The following BTAF1 variants were observed in gnomAD, a reference collection of about 807,000 sequenced individuals.
BTAF1 encodes the protein TATA-binding protein-associated factor 172.
In BTAF1, 38 loss-of-function variants were observed where a neutral mutation model predicts 227.1. That is an observed-to-expected ratio of 0.17 (90% CI 0.13 to 0.22). BTAF1 has a LOEUF of 0.22. Among genes scored for constraint, BTAF1 ranks in the 10% least tolerant of loss-of-function variants. The pLI is 1.00. For synonymous variants in BTAF1, 742 were observed against 751.9 expected (o/e 0.99, Z 0.21); for missense variants, 1,598 against 2,204.0 (o/e 0.73, Z 5.51).
intron 1 of BTAF1, among the ~76,000 whole-genome samples, chr10:91,927,253 C>T (rs1404475794): frequency 1.3e-5 from 2 of 152,104 alleles, no homozygotes; most frequent in South Asian, 2.1e-4. Flanking sequence ...ATTCTCCTGC[C>T]TCAGCCTCCC....
chr10:91,953,072 A>G (rs1845872722), intron 5 of BTAF1, among the ~76,000 whole-genome samples: 1 of 152,196 alleles, frequency 6.6e-6, no homozygotes, highest in Non-Finnish European at 1.5e-5. Flanking sequence ...TTGCTTATAT[A>G]TGTGCCCATG....
chr10:91,952,962 C>G (rs1423999982), intron 5 of BTAF1, among the ~76,000 whole-genome samples: 1 of 152,070 alleles, frequency 6.6e-6, no homozygotes, highest in Non-Finnish European at 1.5e-5. Flanking sequence ...GCGGGATAGG[C>G]AACACTAATT....
chr10:91,986,910 A>G (rs1488192778), intron 19 of BTAF1, among the ~76,000 whole-genome samples: 2 of 151,448 alleles, frequency 1.3e-5, no homozygotes, highest in Non-Finnish European at 2.9e-5. Context: ...TGCCTTTTGT[A>G]TCTTCATTGA....
At chr10:91,974,598 C>T (rs2676821) in intron 14 of BTAF1, among the ~76,000 whole-genome samples, 90,172 of 152,058 alleles carry the variant, frequency 0.59, 30,464 homozygotes, top group East Asian at 0.77. Flanking sequence ...ACTCCTGTAA[C>T]CCCAGGACTT....
intron 14 of BTAF1, among the ~76,000 whole-genome samples, chr10:91,974,500 T>C (rs889546118): frequency 1.3e-5 from 2 of 152,182 alleles, no homozygotes; most frequent in African/African-American, 4.8e-5. Context: ...TCTGTGATGT[T>C]AACATGTGAA....
chr10:91,952,728 G>A (rs572366897), intron 5 of BTAF1, among the ~76,000 whole-genome samples: 1 of 152,104 alleles, frequency 6.6e-6, no homozygotes, highest in South Asian at 2.1e-4. Flanking sequence ...GATACTAGGA[G>A]AGAAAAAAGA....
chr10:92,017,542 G>T (rs1055383174), intron 33 of BTAF1, among the ~76,000 whole-genome samples: 1 of 151,992 alleles, frequency 6.6e-6, no homozygotes, highest in Non-Finnish European at 1.5e-5. Flanking sequence ...AAGAGAAGGG[G>T]TCATGTTTTG....
intron 14 of BTAF1, among the ~76,000 whole-genome samples, chr10:91,971,748 A>G (rs1350041054): frequency 1.3e-5 from 2 of 152,150 alleles, no homozygotes; most frequent in African/African-American, 4.8e-5. Flanking sequence ...CTGGGATTAC[A>G]GGCATGAGCC....
intron 23 of BTAF1, among the ~76,000 whole-genome samples, chr10:91,995,637 C>T (rs571724144): frequency 1.0e-3 from 153 of 151,074 alleles, no homozygotes; most frequent in African/African-American, 3.2e-3. Flanking sequence ...GATCGCGCCA[C>T]TGCACTCTAG....
chr10:92,002,284 A>G (rs1849601257), intron 25 of BTAF1, among the ~76,000 whole-genome samples: 1 of 152,116 alleles, frequency 6.6e-6, no homozygotes, highest in Non-Finnish European at 1.5e-5. Flanking sequence ...CATAGAAAAA[A>G]TCATCTACTT....
intron 34 of BTAF1, among the ~76,000 whole-genome samples, chr10:92,022,509 T>C (rs1195062590): frequency 6.6e-6 from 1 of 152,082 alleles, no homozygotes; most frequent in Admixed American, 6.6e-5. Flanking sequence ...CCTCAAACTC[T>C]TGGGCTCAAG....
intron 14 of BTAF1, among the ~76,000 whole-genome samples, chr10:91,967,473 T>G (rs1847000023): frequency 1.3e-5 from 2 of 152,206 alleles, no homozygotes; most frequent in Admixed American, 1.3e-4. Flanking sequence ...GGCCAATCAT[T>G]TTTTAAAAAT....
At chr10:91,950,078 G>T (rs1267967415) in intron 4 of BTAF1, among the ~76,000 whole-genome samples, 1 of 149,500 alleles carries the variant, frequency 6.7e-6, no homozygotes, top group African/African-American at 2.4e-5. Flanking sequence ...GGAGTTTGAG[G>T]CTGCAGTGAG....
At position 92,008,687 on chromosome 10, in the gene BTAF1, G is replaced by A. The variant is rs974695062; in HGVS notation, c.3814-142G>A. 5 of 740,556 alleles carry A rather than the reference G, an allele frequency of 6.8e-6. No individual in the cohort carries two copies. In the Admixed American group the frequency reaches 1.1e-4, roughly 16 times the overall value. 45.9% of individuals were successfully genotyped at this position (740,556 alleles called of 1,614,324 possible). A position where few individuals can be genotyped will look rare whatever the true frequency, so the allele number is the denominator to read the frequency against. ...TAAAATCGATTTAGTAAAATCTTGTGTTTAGTGTCTTATACCCATTTATTT... is the reference window on the plus strand; with the variant it reads ...TAAAATCGATTTAGTAAAATCTTGTATTTAGTGTCTTATACCCATTTATTT... On this transcript the variant is annotated intron_variant, in intron 26 of 37. Coordinates refer to ENST00000265990, the MANE Select transcript of BTAF1 (RefSeq NM_003972.3).
intron 1 of BTAF1, among the ~76,000 whole-genome samples, chr10:91,933,260 T>C (rs1168115476): frequency 2.6e-5 from 4 of 152,184 alleles, no homozygotes; most frequent in Non-Finnish European, 1.5e-5. Context: ...TTGAAAGTTT[T>C]AAAGTAAGGT....
chr10:91,938,795 C>CTA (rs2133806388), intron 2 of BTAF1, among the ~76,000 whole-genome samples: 2 of 152,204 alleles, frequency 1.3e-5, no homozygotes, highest in African/African-American at 4.8e-5. Flanking sequence ...CTGCAGTGTG[C>CTA]TATGATTGCA....
At chr10:91,997,264 C>G (rs2134052652) in intron 24 of BTAF1, 1 of 737,862 alleles carries the variant, frequency 1.4e-6, no homozygotes, top group Admixed American at 2.8e-5. Context: ...CCTTTACTTA[C>G]AATGTGACTT....
chr10:91,985,325 T>C (rs1848333003), intron 19 of BTAF1, among the ~76,000 whole-genome samples: 1 of 152,128 alleles, frequency 6.6e-6, no homozygotes, highest in Non-Finnish European at 1.5e-5. Context: ...AACTTATTTT[T>C]TTTATTGCTT....
At chr10:91,929,508 C>G (rs1228860210) in intron 1 of BTAF1, among the ~76,000 whole-genome samples, 1 of 152,204 alleles carries the variant, frequency 6.6e-6, no homozygotes, top group Non-Finnish European at 1.5e-5. Flanking sequence ...CAGACCTTTG[C>G]TCAATTTTGT....
Sources: gnomAD v4.1 joint callset for allele counts (sites outside exome capture counted in the v4.1 genomes callset) on GRCh38, gnomAD v4.1.1 for gene constraint, MANE v1.5 for transcripts, NCBI Gene and HGNC (gene_info 2026-07-23, HGNC 2026-07-21) for gene names.